The following OSBPL3 variants were observed in gnomAD, a reference collection of about 807,000 sequenced individuals.
OSBPL3 encodes oxysterol binding protein like 3.
A neutral mutation model predicts 120.1 loss-of-function variants in OSBPL3; 65 were observed. That is an observed-to-expected ratio of 0.54 (90% CI 0.44 to 0.67). The LOEUF (loss-of-function observed/expected upper bound fraction) is 0.67. OSBPL3 is among the 30% of genes least tolerant of loss of function. The probability of loss-of-function intolerance (pLI) is 0.00; values close to 1 mark genes in which losing one functional copy is unlikely to be tolerated. For synonymous variants in OSBPL3, 416 were observed against 402.6 expected, an observed-to-expected ratio of 1.03 and a Z score of -0.40; for missense variants, 1,004 against 1,082.1, an observed-to-expected ratio of 0.93 and a Z score of 1.01.
At position 24,872,448 on chromosome 7, in the gene OSBPL3, AGTGTGT is replaced by A. The variant is rs371127031; in HGVS notation, c.97-385_97-380del. On this transcript the variant is annotated intron_variant, in intron 2 of 22. Coordinates refer to ENST00000313367, the MANE Select transcript of OSBPL3 (RefSeq NM_015550.4). The surrounding 1 kb of genome is among the most constrained non-coding windows in gnomAD (Gnocchi z 4.1). Reference sequence around the variant, plus strand: ...TCAGTCTGAATTTTAACCGAAAGAGAGTGTGTGTGTGTGTGTGTGTGTGTGTGTGTG... The same window carrying A: ...TCAGTCTGAATTTTAACCGAAAGAGAGTGTGTGTGTGTGTGTGTGTGTGTG... Among the ~76,000 whole-genome samples, 6,560 of 144,940 alleles carry A rather than the reference AGTGTGT, an allele frequency of 0.045. 164 individuals carry two copies. The highest frequency in any genetic ancestry group is 0.057 in the Non-Finnish European group (3,779 of 66,286).
Position 24,894,445 on chromosome 7 carries a change from A to G in OSBPL3, c.-149-1824T>C, listed in dbSNP as rs1448605902. ...GCAATCTAAAAAGTAGCAAGAGAGT[A>G]CTGTAAAGATATATTAATAGTTTGT... On this transcript the variant is annotated intron_variant, in intron 1 of 22. Transcript: ENST00000313367. This position sits in a 1 kb window ranked among gnomAD's most constrained non-coding sequence, Gnocchi z 4.1. Among the ~76,000 whole-genome samples, 1 of 152,184 alleles carries G rather than the reference A, an allele frequency of 6.6e-6. No individual in the cohort carries two copies. The highest frequency in any genetic ancestry group is 2.4e-5 in the African/African-American group (1 of 41,454).
intron 14 of OSBPL3, 35 bp downstream of exon 14, chr7:24,840,655 C>A: frequency 1.0e-6 from 1 of 974,536 alleles, no homozygotes; most frequent in Non-Finnish European, 1.5e-6. Context: ...TATGAAAATC[C>A]AAACTTTTCA....
chr7:24,943,109 C>T (rs2128485362), intron 1 of OSBPL3, among the ~76,000 whole-genome samples: 1 of 152,312 alleles, frequency 6.6e-6, no homozygotes, highest in South Asian at 2.1e-4. Flanking sequence ...AGAAAGTTTT[C>T]CCACATTATG....
intron 5 of OSBPL3, 82 bp downstream of exon 5, chr7:24,870,650 C>A (rs953631689): frequency 1.2e-6 from 1 of 868,414 alleles, no homozygotes; most frequent in African/African-American, 1.6e-5. Flanking sequence ...GGCCGAATAC[C>A]CAAAAGGCAT....
intron 12 of OSBPL3, 116 bp from the exon 13 acceptor site, chr7:24,842,529 C>A: frequency 1.3e-6 from 1 of 793,126 alleles, no homozygotes; most frequent in Non-Finnish European, 2.0e-6. Context: ...ATAAGCAACT[C>A]AAAGCAGAAG....
chr7:24,924,634 T>C (rs1428572825), intron 1 of OSBPL3, among the ~76,000 whole-genome samples: 1 of 152,246 alleles, frequency 6.6e-6, no homozygotes, highest in Non-Finnish European at 1.5e-5. Flanking sequence ...TGGCTGCTGA[T>C]ACTCTGATGG....
chr7:24,806,762 T>TA lies in OSBPL3; in HGVS notation c.2444+13dup, dbSNP rs754532391. The TA allele has an allele frequency of 5.6e-6, 9 of 1,611,704 alleles. No homozygotes were observed. The African/African-American group carries it at 1.2e-4, about 22-fold the overall frequency. ...TTACATCTCTGGAGAGAAAAATCTT[T>TA]AAAAAATCCTTACCTCTGGTCTGGC... On this transcript the variant is annotated intron_variant, in intron 21 of 22. Transcript: ENST00000313367. The surrounding 1 kb of genome is among the most constrained non-coding windows in gnomAD (Gnocchi z 5.2).
At chr7:24,973,786 C>G (rs146407646) in intron 1 of OSBPL3, among the ~76,000 whole-genome samples, 15 of 152,198 alleles carry the variant, frequency 9.9e-5, no homozygotes, top group African/African-American at 3.6e-4. Flanking sequence ...CCTTTCATAC[C>G]AGAGGAATCC....
chr7:24,842,826 T>C (rs1382190658), intron 12 of OSBPL3, among the ~76,000 whole-genome samples: 2 of 152,262 alleles, frequency 1.3e-5, no homozygotes, highest in Admixed American at 6.5e-5. Flanking sequence ...CAGAGCAACA[T>C]AGCTTTCTTC....
intron 10 of OSBPL3, 141 bp downstream of exon 10, chr7:24,861,472 T>C (rs1800523192): frequency 1.8e-6 from 1 of 544,610 alleles, no homozygotes; most frequent in African/African-American, 1.9e-5. Context: ...ACTAGGGAAA[T>C]AAAATAAAGA....
rs919101817 is a variant in OSBPL3, at chr7:24,916,117, C to T, written c.-149-23496G>A. ...GTTATTCTCAATCCATCCTGACTCC[C>T]AACCTTGTGATGGTTTTCACCTCTC... On this transcript the variant is annotated intron_variant, in intron 1 of 22. Coordinates refer to ENST00000313367, the MANE Select transcript of OSBPL3 (RefSeq NM_015550.4). This position sits in a 1 kb window ranked among gnomAD's most constrained non-coding sequence, Gnocchi z 4.9. Among the ~76,000 whole-genome samples, 10 of 152,326 alleles carry T rather than the reference C, an allele frequency of 6.6e-5. No homozygotes were observed. The highest frequency in any genetic ancestry group is 1.3e-4 in the Admixed American group (2 of 15,300).
Position 24,801,656 on chromosome 7 carries a change from T to C in OSBPL3, c.2568-1377A>G, listed in dbSNP as rs1322806969. Among the ~76,000 whole-genome samples the C allele has an allele frequency of 2.0e-5, 3 of 152,244 alleles. No homozygotes were observed. In the East Asian group the frequency reaches 5.8e-4, roughly 29 times the overall value. On this transcript the variant is annotated intron_variant, in intron 22 of 22. Coordinates refer to ENST00000313367, the MANE Select transcript of OSBPL3 (RefSeq NM_015550.4). Reference sequence around the variant, plus strand: ...TCCAGCCTTCTGCGTATCTCTGAAATACTGTTTTATTGGAACATGGCCATG... The same window carrying C: ...TCCAGCCTTCTGCGTATCTCTGAAACACTGTTTTATTGGAACATGGCCATG...
At chr7:24,921,818 A>G (rs761699750) in intron 1 of OSBPL3, among the ~76,000 whole-genome samples, 19 of 152,220 alleles carry the variant, frequency 1.2e-4, no homozygotes, top group Non-Finnish European at 2.1e-4. Context: ...GAAAACAAAC[A>G]AGAGTTCACA....
rs1796869018 is a variant in OSBPL3, at chr7:24,835,342, A to G, written c.1496-606T>C. Among the ~76,000 whole-genome samples, 1 of 152,120 alleles carries G rather than the reference A, an allele frequency of 6.6e-6. No homozygotes were observed. The highest frequency in any genetic ancestry group is 2.4e-5 in the African/African-American group (1 of 41,404). On this transcript the variant is annotated intron_variant, in intron 14 of 22. Coordinates refer to ENST00000313367, the MANE Select transcript of OSBPL3 (RefSeq NM_015550.4). This position sits in a 1 kb window ranked among gnomAD's most constrained non-coding sequence, Gnocchi z 4.8. ...GCTCAATATCACTAATCATTAGAGA[A>G]ATGCAAATCAAAACCACAATGAGAT...
At chr7:24,931,997 C>A (rs1162629830) in intron 1 of OSBPL3, among the ~76,000 whole-genome samples, 1 of 152,192 alleles carries the variant, frequency 6.6e-6, no homozygotes. Context: ...AACACAACCC[C>A]TTTGGGTCTC....
At position 24,805,236 on chromosome 7, in the gene OSBPL3, A is replaced by C. The variant is rs577273534; in HGVS notation, c.2445-799T>G. Among the ~76,000 whole-genome samples the C allele has an allele frequency of 6.6e-6, 1 of 152,212 alleles. No homozygotes were observed. The highest frequency in any genetic ancestry group is 2.4e-5 in the African/African-American group (1 of 41,452). ...GAGTGCCCTTTTCTCCCATAACCTC[A>C]AAGTGTATAAAACTTCTGAATTTTT... On this transcript the variant is annotated intron_variant, in intron 21 of 22. Transcript: ENST00000313367. The surrounding 1 kb of genome is among the most constrained non-coding windows in gnomAD (Gnocchi z 4.0).
At chr7:24,884,701 C>G (rs1399573490) in intron 2 of OSBPL3, among the ~76,000 whole-genome samples, 2 of 152,282 alleles carry the variant, frequency 1.3e-5, no homozygotes, top group East Asian at 1.9e-4. Context: ...ACTAAGCAAC[C>G]TACACCTAAT....
chr7:24,830,909 A>C lies in OSBPL3; in HGVS notation c.1747-4T>G. ...TGGCAAAGGCTGCCACATATACCTA[A>C]GGACAAGAGAAAAGAACTTTGTCAT... On this transcript the variant is annotated splice_region_variant and splice_polypyrimidine_tract_variant and intron_variant, in intron 15 of 22. Transcript: ENST00000313367. The surrounding 1 kb of genome is among the most constrained non-coding windows in gnomAD (Gnocchi z 4.4). The C allele has an allele frequency of 6.3e-7, 1 of 1,589,400 alleles. No homozygotes were observed. Among genetic ancestry groups the C allele is most frequent in the Non-Finnish European group, 8.5e-7 (1 of 1,172,878 alleles).
intron 10 of OSBPL3, among the ~76,000 whole-genome samples, chr7:24,856,489 A>G (rs1479105617): frequency 6.6e-6 from 1 of 152,144 alleles, no homozygotes; most frequent in African/African-American, 2.4e-5. Context: ...ATCTTGGAGA[A>G]AGTAGTTATG....
Sources: allele counts gnomAD v4.1 joint callset (sites outside exome capture counted in the v4.1 genomes callset), GRCh38; gene constraint gnomAD v4.1.1; non-coding constraint Gnocchi (gnomAD v3.1); transcripts MANE v1.5; gene names NCBI Gene and HGNC (gene_info 2026-07-23, HGNC 2026-07-21).